LIMD1: variants seen among roughly 807,000 people sequenced by gnomAD.
The protein encoded by LIMD1 is LIM domain containing 1, also known as LIM domain-containing protein 1.
Under a neutral mutation model 58.4 loss-of-function variants are expected in LIMD1, and 23 were observed. The ratio of observed to expected loss-of-function variants is 0.39; its 90% CI spans 0.28 to 0.56. The LOEUF is 0.56. LIMD1 is among the 20% of genes least tolerant of loss of function. The pLI, the probability that LIMD1 is intolerant of heterozygous loss-of-function variation, is 0.57. For synonymous variants in LIMD1, 334 were observed against 345.5 expected (o/e 0.97, Z 0.37); for missense variants, 838 against 855.5 (o/e 0.98, Z 0.25).
chr3:45,604,803 A>G (rs1018846057), intron 1 of LIMD1, among the ~76,000 whole-genome samples: 1 of 152,060 alleles, frequency 6.6e-6, no homozygotes, highest in Non-Finnish European at 1.5e-5. Context: ...CTGTCCCGTC[A>G]TGCTTTCTCT....
At chr3:45,660,138 T>C (rs1229115992) in intron 2 of LIMD1, among the ~76,000 whole-genome samples, 1 of 152,208 alleles carries the variant, frequency 6.6e-6, no homozygotes, top group Non-Finnish European at 1.5e-5. Flanking sequence ...TGCTGTTTGC[T>C]GTGTTCTCCA....
At chr3:45,676,486 T>A (rs944977161) in intron 7 of LIMD1, among the ~76,000 whole-genome samples, 13 of 152,128 alleles carry the variant, frequency 8.5e-5, no homozygotes, top group Admixed American at 7.2e-4. Flanking sequence ...CTGGTGTGTG[T>A]TGTTCCCCTC....
intron 2 of LIMD1, among the ~76,000 whole-genome samples, chr3:45,654,550 G>A (rs1030541489): frequency 3.3e-5 from 5 of 151,938 alleles, no homozygotes; most frequent in African/African-American, 1.2e-4. Flanking sequence ...CTCATTCACG[G>A]CCTGCAGGTG....
chr3:45,624,709 C>T (rs569204240), intron 1 of LIMD1, among the ~76,000 whole-genome samples: 1 of 152,074 alleles, frequency 6.6e-6, no homozygotes, highest in East Asian at 1.9e-4. Context: ...GGCGACAGAG[C>T]GAGACTCCGC....
chr3:45,685,142 T>C lies in LIMD1; in HGVS notation c.*8083T>C, dbSNP rs1018177086. 3.9e-5 allele frequency: 6 copies of C among 152,218 alleles called. No homozygotes were observed. Among genetic ancestry groups the C allele is most frequent in the African/African-American group, 1.4e-4 (6 of 41,462 alleles). The allele number at this position is 152,218 out of a possible 1,614,324, so 9.4% of individuals were successfully genotyped here. ...CTGGCAGATTTTGTAAAAAGTTATA[T>C]AACAATTTTACTATAGGAAAAACTT... On this transcript the variant is annotated 3_prime_UTR_variant, in exon 8 of 8. Coordinates refer to ENST00000273317, the MANE Select transcript of LIMD1 (RefSeq NM_014240.3).
intron 1 of LIMD1, among the ~76,000 whole-genome samples, chr3:45,623,976 G>A (rs1701648414): frequency 6.6e-6 from 1 of 152,178 alleles, no homozygotes; most frequent in Admixed American, 6.5e-5. Flanking sequence ...GATCTTTTGT[G>A]AGCTTTTAGA....
chr3:45,605,300 T>C (rs1346921662), intron 1 of LIMD1, among the ~76,000 whole-genome samples: 1 of 152,284 alleles, frequency 6.6e-6, no homozygotes, highest in Non-Finnish European at 1.5e-5. Flanking sequence ...CGGCCTGGCA[T>C]CCCAGCCCCT....
intron 2 of LIMD1, among the ~76,000 whole-genome samples, chr3:45,650,514 G>A (rs35321098): frequency 0.38 from 25,543 of 67,628 alleles, 2,674 homozygotes; most frequent in Non-Finnish European, 0.42. Context: ...ACAGGCCCCA[G>A]TGTGTGATGT....
At chr3:45,652,948 G>T (rs543237683) in intron 2 of LIMD1, among the ~76,000 whole-genome samples, 26 of 152,316 alleles carry the variant, frequency 1.7e-4, no homozygotes, top group African/African-American at 6.0e-4. Context: ...GAGAATTGGA[G>T]CGTGAGGCAG....
intron 3 of LIMD1, 82 bp downstream of exon 3, chr3:45,665,799 G>T (rs755270029): frequency 7.5e-5 from 89 of 1,179,732 alleles, no homozygotes; most frequent in Non-Finnish European, 1.1e-4. Context: ...GGGCCAGCGT[G>T]TAGGGAAGCT....
At chr3:45,619,412 C>G (rs1701608854) in intron 1 of LIMD1, among the ~76,000 whole-genome samples, 2 of 152,156 alleles carry the variant, frequency 1.3e-5, no homozygotes, top group Non-Finnish European at 1.5e-5. Flanking sequence ...AAATATGTAC[C>G]ATGTGATGGT....
chr3:45,619,111 C>A (rs1368551762), intron 1 of LIMD1, among the ~76,000 whole-genome samples: 1 of 152,112 alleles, frequency 6.6e-6, no homozygotes, highest in African/African-American at 2.4e-5. Context: ...GTTTTTGTTG[C>A]TTGTCTTATC....
chr3:45,673,603 A>G, intron 6 of LIMD1, 98 bp downstream of exon 6: 1 of 1,045,658 alleles, frequency 9.6e-7, no homozygotes, highest in South Asian at 1.3e-5. Flanking sequence ...TACAGCTTTT[A>G]AGGTATCCTT....
intron 1 of LIMD1, among the ~76,000 whole-genome samples, chr3:45,631,209 T>G (rs1159075687): frequency 6.7e-6 from 1 of 150,118 alleles, no homozygotes; most frequent in African/African-American, 2.5e-5. Context: ...TCTCAAATAA[T>G]AATAATAATA....
At chr3:45,611,815 A>G (rs1701526986) in intron 1 of LIMD1, among the ~76,000 whole-genome samples, 1 of 152,214 alleles carries the variant, frequency 6.6e-6, no homozygotes, top group Admixed American at 6.5e-5. Context: ...GAGGTCAGTT[A>G]GAAGCCATGA....
chr3:45,644,206 C>T (rs921417661), intron 2 of LIMD1, among the ~76,000 whole-genome samples: 1 of 152,168 alleles, frequency 6.6e-6, no homozygotes, highest in Non-Finnish European at 1.5e-5. Context: ...ATGAATAAGT[C>T]CTTGGTGATT....
chr3:45,623,108 A>G (rs1469289262), intron 1 of LIMD1, among the ~76,000 whole-genome samples: 3 of 152,130 alleles, frequency 2.0e-5, no homozygotes, highest in Non-Finnish European at 2.9e-5. Context: ...CATCTTTGTC[A>G]ATCAGGTTAG....
At chr3:45,671,600 A>G (rs182532556) in intron 4 of LIMD1, among the ~76,000 whole-genome samples, 2 of 152,340 alleles carry the variant, frequency 1.3e-5, no homozygotes, top group East Asian at 3.9e-4. Flanking sequence ...TCAACTGCAA[A>G]TTATAGAAAA....
At chr3:45,673,325 CTA>C in intron 5 of LIMD1, 127 bp from the exon 6 acceptor site, 2 of 740,876 alleles carry the variant, frequency 2.7e-6, no homozygotes, top group Non-Finnish European at 4.8e-6. Flanking sequence ...ACCAGTCATT[CTA>C]TGAGGGAGGA....
Sources: gnomAD v4.1 joint callset for allele counts (sites outside exome capture counted in the v4.1 genomes callset) on GRCh38, gnomAD v4.1.1 for gene constraint, MANE v1.5 for transcripts, NCBI Gene and HGNC (gene_info 2026-07-23, HGNC 2026-07-21) for gene names.